Variants in ANKFN1 observed in about 807,000 individuals in gnomAD.
ANKFN1 encodes ankyrin repeat and fibronectin type-III domain-containing protein 1.
ANKFN1 carries 74 observed loss-of-function variants against 108.7 expected under a neutral mutation model. The observed-to-expected ratio is 0.68, with a 90% CI of 0.56 to 0.83. The LOEUF (loss-of-function observed/expected upper bound fraction) is 0.83. Ranked by LOEUF, ANKFN1 falls within the 40% of genes least tolerant of loss-of-function variation. ANKFN1 has a pLI of 0.00. For missense variants in ANKFN1, 1,505 were observed against 1,382.3 expected (o/e 1.09, Z -1.41); for synonymous variants, 547 against 516.2 (o/e 1.06, Z -0.81).
chr17:56,197,970 A>T (rs1283026055), intron 1 of ANKFN1, among the ~76,000 whole-genome samples: 1 of 152,186 alleles, frequency 6.6e-6, no homozygotes, highest in African/African-American at 2.4e-5. Context: ...TGATCGTGCC[A>T]CTGCACTCCA....
At chr17:56,452,219 G>T (rs546147387) in intron 11 of ANKFN1, among the ~76,000 whole-genome samples, 1 of 152,264 alleles carries the variant, frequency 6.6e-6, no homozygotes, top group East Asian at 1.9e-4. Context: ...TCACATAGTA[G>T]GGGCTAGACA....
chr17:56,294,633 C>A (rs1203655697), intron 3 of ANKFN1, among the ~76,000 whole-genome samples: 1 of 152,180 alleles, frequency 6.6e-6, no homozygotes, highest in Non-Finnish European at 1.5e-5. Flanking sequence ...CAGAATAGTT[C>A]AAGACACAAA....
chr17:56,474,401 C>T lies in ANKFN1; in HGVS notation c.1774-3087C>T, dbSNP rs576990596. Among the ~76,000 whole-genome samples the T allele has an allele frequency of 2.6e-5, 4 of 152,322 alleles. No individual in the cohort carries two copies. The East Asian group carries it at 7.7e-4, about 29-fold the overall frequency. On this transcript the variant is annotated intron_variant, in intron 15 of 20. Transcript: ENST00000682825. ...AAATTAAGGTAATCTGTATGATTTG[C>T]TCTCACAGAACCATGTTGACTCCTC... is the stretch of plus-strand genomic sequence containing the variant.
chr17:56,432,630 G>A (rs1163472874), intron 8 of ANKFN1, among the ~76,000 whole-genome samples: 3 of 152,102 alleles, frequency 2.0e-5, no homozygotes, highest in African/African-American at 7.2e-5. Flanking sequence ...CGAGTTTCTG[G>A]GCCAGCCCTG....
chr17:56,442,988 C>G, intron 10 of ANKFN1, 55 bp downstream of exon 10: 1 of 1,565,276 alleles, frequency 6.4e-7, no homozygotes, highest in Non-Finnish European at 8.8e-7. Flanking sequence ...AACTGCAACT[C>G]CATCTTCAGG....
chr17:56,299,434 C>G (rs1252528088), intron 3 of ANKFN1, among the ~76,000 whole-genome samples: 2 of 152,224 alleles, frequency 1.3e-5, no homozygotes, highest in East Asian at 3.9e-4. Context: ...CTTCCTCCTA[C>G]ATAAAGCCTC....
chr17:56,393,742 C>T (rs1397779358), intron 8 of ANKFN1, among the ~76,000 whole-genome samples: 1 of 150,564 alleles, frequency 6.6e-6, no homozygotes, highest in African/African-American at 2.5e-5. Context: ...ATGTCATTTA[C>T]TCATTCATTC....
intron 3 of ANKFN1, among the ~76,000 whole-genome samples, chr17:56,255,134 C>T (rs2043326958): frequency 1.3e-5 from 2 of 152,196 alleles, no homozygotes; most frequent in African/African-American, 2.4e-5. Flanking sequence ...TGACCATGGC[C>T]TTGCAACTCT....
chr17:56,097,855 CT>C (rs1472565972), intron 4 of ANKFN1, among the ~76,000 whole-genome samples: 8 of 152,182 alleles, frequency 5.3e-5, no homozygotes, highest in Non-Finnish European at 1.0e-4. Context: ...GATTTCCTAT[CT>C]TTATCATATT....
chr17:56,382,754 G>A (rs975802890), intron 8 of ANKFN1, among the ~76,000 whole-genome samples: 25 of 152,136 alleles, frequency 1.6e-4, no homozygotes, highest in Admixed American at 5.2e-4. Flanking sequence ...AATGGTAAAG[G>A]GATCAACTCA....
At chr17:56,275,315 CTT>C (rs879530969) in intron 3 of ANKFN1, among the ~76,000 whole-genome samples, 14 of 142,522 alleles carry the variant, frequency 9.8e-5, no homozygotes, top group Admixed American at 3.5e-4. Flanking sequence ...GGAGTTTATT[CTT>C]TTTTTTTTTT....
intron 1 of ANKFN1, among the ~76,000 whole-genome samples, chr17:56,154,124 G>C (rs752941897): frequency 1.3e-5 from 2 of 151,998 alleles, no homozygotes; most frequent in African/African-American, 4.8e-5. Context: ...GGGTTGTGTC[G>C]GTGGTATCGG....
At chr17:56,325,195 A>T (rs905737454) in intron 3 of ANKFN1, among the ~76,000 whole-genome samples, 7 of 152,176 alleles carry the variant, frequency 4.6e-5, no homozygotes, top group Non-Finnish European at 7.3e-5. Flanking sequence ...GCAGCTAAAC[A>T]TTCATTTGGC....
At chr17:56,313,028 G>A (rs1161282565) in intron 3 of ANKFN1, among the ~76,000 whole-genome samples, 3 of 151,866 alleles carry the variant, frequency 2.0e-5, no homozygotes, top group Admixed American at 6.6e-5. Flanking sequence ...GGTGGTGGGC[G>A]CCTGTAATCC....
chr17:56,406,342 G>A (rs1199681942), intron 8 of ANKFN1, among the ~76,000 whole-genome samples: 1 of 152,036 alleles, frequency 6.6e-6, no homozygotes, highest in East Asian at 1.9e-4. Context: ...GCTAAAATGG[G>A]CAAATTATTT....
chr17:56,259,354 A>C (rs1427429917), intron 3 of ANKFN1, among the ~76,000 whole-genome samples: 3 of 152,160 alleles, frequency 2.0e-5, no homozygotes, highest in African/African-American at 7.2e-5. Flanking sequence ...CTACGTTAGG[A>C]CTGCTTTAAG....
Position 56,440,316 on chromosome 17 carries a change from A to T in ANKFN1, c.911-11A>T. The T allele has an allele frequency of 1.3e-6, 2 of 1,576,614 alleles. No homozygotes were observed. The highest frequency in any genetic ancestry group is 1.7e-5 in the Admixed American group (1 of 59,432). On this transcript the variant is annotated splice_polypyrimidine_tract_variant and intron_variant, in intron 8 of 20. Transcript: ENST00000682825. ...TCTTTCTCTCTCTCCCTGCCCCCCTACTCCCTCCAGTGGAATGGAGTATGT... is the reference window on the plus strand; with the variant it reads ...TCTTTCTCTCTCTCCCTGCCCCCCTTCTCCCTCCAGTGGAATGGAGTATGT...
In ANKFN1 at chr17:56,442,824, T is replaced by C; in HGVS notation, c.1009-19T>C. 6.2e-7 allele frequency: 1 copy of C among 1,610,526 alleles called. No homozygotes were observed. The highest frequency in any genetic ancestry group is 2.2e-5 in the East Asian group (1 of 44,830). ...ATGATTAAATAAAATGCCTGATGCATCATTTCAATACTTTGCAGGGCCAAC... is the reference window on the plus strand; with the variant it reads ...ATGATTAAATAAAATGCCTGATGCACCATTTCAATACTTTGCAGGGCCAAC... On this transcript the variant is annotated intron_variant, in intron 9 of 20. Coordinates refer to ENST00000682825, the MANE Select transcript of ANKFN1 (RefSeq NM_001370326.1).
chr17:56,119,597 A>G (rs1360506237), intron 4 of ANKFN1, among the ~76,000 whole-genome samples: 1 of 152,188 alleles, frequency 6.6e-6, no homozygotes, highest in East Asian at 1.9e-4. Flanking sequence ...TTTGCCTTTG[A>G]CAGAAAATGC....
Sources: gnomAD v4.1 joint callset for allele counts (sites outside exome capture counted in the v4.1 genomes callset) on GRCh38, gnomAD v4.1.1 for gene constraint, MANE v1.5 for transcripts, NCBI Gene and HGNC (gene_info 2026-07-23, HGNC 2026-07-21) for gene names.